IDE: variants seen among roughly 807,000 people sequenced by gnomAD.
The protein encoded by IDE is insulin degrading enzyme, also known as insulin-degrading enzyme.
IDE carries 58 observed loss-of-function variants against 133.2 expected under a neutral mutation model. That is an observed-to-expected ratio of 0.44 (90% CI 0.35 to 0.54). The LOEUF is 0.54. Among genes scored for constraint, IDE ranks in the 20% least tolerant of loss-of-function variants. The pLI is 0.00. For missense variants in IDE, 981 were observed against 1,234.0 expected (o/e 0.79, Z 3.07); for synonymous variants, 396 against 421.3 (o/e 0.94, Z 0.73).
chr10:92,545,712 A>T lies in IDE; in HGVS notation c.99-8162T>A, dbSNP rs575600168. Among the ~76,000 whole-genome samples, 3 of 152,340 alleles carry T rather than the reference A, an allele frequency of 2.0e-5. No individual in the cohort carries two copies. In the South Asian group the frequency reaches 6.2e-4, roughly 32 times the overall value. On this transcript the variant is annotated intron_variant, in intron 1 of 24. Coordinates refer to ENST00000265986, the MANE Select transcript of IDE (RefSeq NM_004969.4). ...ACAGATTAAAGTCCCAGGAGGTCCCAAATTTGCAACTAACTTTCCCAACAG... is the reference window on the plus strand; with the variant it reads ...ACAGATTAAAGTCCCAGGAGGTCCCTAATTTGCAACTAACTTTCCCAACAG...
intron 1 of IDE, among the ~76,000 whole-genome samples, chr10:92,571,766 A>G (rs552808793): frequency 4.6e-5 from 7 of 152,270 alleles, no homozygotes; most frequent in Admixed American, 6.5e-5. Context: ...TTGCAAATAC[A>G]TAACAGTTAA....
In IDE at chr10:92,466,230, CAA is replaced by C. The variant is rs59698259; in HGVS notation, c.2321-389_2321-388del. ...CAAGACACAGAGTGAGACCCTGTCT[CAA>C]AAAAAAAAAAAAAAAAAAAAGCAGA... On this transcript the variant is annotated intron_variant, in intron 19 of 24. Coordinates refer to ENST00000265986, the MANE Select transcript of IDE (RefSeq NM_004969.4). Among the ~76,000 whole-genome samples, 246 of 69,990 alleles carry C rather than the reference CAA, an allele frequency of 3.5e-3. 1 individual carries two copies. The highest frequency in any genetic ancestry group is 0.013 in the Middle Eastern group (2 of 150). The allele number at this position is 69,990 out of a possible 152,430, so 45.9% of individuals were successfully genotyped here. A position where few individuals can be genotyped will look rare whatever the true frequency, so the allele number is the denominator to read the frequency against.
At chr10:92,533,750 G>A (rs538581041) in intron 3 of IDE, among the ~76,000 whole-genome samples, 5 of 149,802 alleles carry the variant, frequency 3.3e-5, no homozygotes, top group Admixed American at 2.7e-4. Context: ...AAGGCTGGGC[G>A]CAGTGGCTCA....
intron 4 of IDE, among the ~76,000 whole-genome samples, chr10:92,519,873 G>A (rs1487356340): frequency 2.0e-5 from 3 of 152,198 alleles, no homozygotes; most frequent in Non-Finnish European, 4.4e-5. Context: ...AGGAGGCTGA[G>A]GCAGGCGGAT....
intron 7 of IDE, 90 bp from the exon 8 acceptor site, chr10:92,508,295 C>G (rs1373937266): frequency 1.1e-6 from 1 of 948,748 alleles, no homozygotes; most frequent in East Asian, 2.4e-5. Context: ...ACTGTATGTT[C>G]CTAAGATATC....
At chr10:92,514,536 G>A (rs952909357) in intron 5 of IDE, among the ~76,000 whole-genome samples, 2 of 151,692 alleles carry the variant, frequency 1.3e-5, no homozygotes, top group African/African-American at 4.8e-5. Context: ...TTAACTCCTG[G>A]GCTCAAGCGA....
chr10:92,561,037 G>A (rs138927006), intron 1 of IDE, among the ~76,000 whole-genome samples: 182 of 152,254 alleles, frequency 1.2e-3, no homozygotes, highest in African/African-American at 4.2e-3. Context: ...TGGATCACCT[G>A]AGGTCAGGAG....
intron 1 of IDE, among the ~76,000 whole-genome samples, chr10:92,566,051 C>G (rs1484679917): frequency 6.6e-6 from 1 of 151,828 alleles, no homozygotes; most frequent in Non-Finnish European, 1.5e-5. Context: ...ATTACCGTGG[C>G]CATTAAACAA....
chr10:92,459,618 T>C (rs943541630), intron 22 of IDE, among the ~76,000 whole-genome samples: 2 of 152,072 alleles, frequency 1.3e-5, no homozygotes, highest in East Asian at 1.9e-4. Flanking sequence ...TTTTGAAAAA[T>C]AGGCATATGA....
chr10:92,465,840 C>T lies in IDE; in HGVS notation c.2324G>A (p.Gly775Glu), dbSNP rs760116716. The T allele has an allele frequency of 1.2e-5, 19 of 1,613,750 alleles. No individual in the cohort carries two copies. Among genetic ancestry groups the T allele is most frequent in the South Asian group, 4.4e-5 (4 of 91,056 alleles). Residue 775 changes from glycine (G) to glutamate (E), a missense_variant, in exon 20 of 25, where the codon GGA becomes GAA. Transcript: ENST00000265986. The part of the protein sequence containing the change: ...RYREVQLPDR[G>E]WFVYQQRNEV... The stretch of plus-strand genomic sequence containing the variant: ...ATTTCTCTGCTGATAAACAAACCAT[C>T]CTCCTAGGAAGTTTCAAAAAGACAG...
At chr10:92,486,143 G>A (rs888388674) in intron 13 of IDE, among the ~76,000 whole-genome samples, 1 of 152,120 alleles carries the variant, frequency 6.6e-6, no homozygotes, top group African/African-American at 2.4e-5. Flanking sequence ...GAGGTCAAGA[G>A]TTCGAGGCCA....
intron 24 of IDE, among the ~76,000 whole-genome samples, chr10:92,455,283 C>T (rs1300435347): frequency 6.6e-6 from 1 of 152,094 alleles, no homozygotes; most frequent in East Asian, 1.9e-4. Flanking sequence ...TGAGACCAGC[C>T]TGGCCAACAT....
rs567042424 is a variant in IDE at position 92,536,647 on chromosome 10, G to A, written c.283+719C>T. On this transcript the variant is annotated intron_variant, in intron 2 of 24. Coordinates refer to ENST00000265986, the MANE Select transcript of IDE (RefSeq NM_004969.4). ...CGGGAGGTGGAGGTTGCAGTGAGCC[G>A]AGATCACACCATTGCACTCCAGCCT... Among the ~76,000 whole-genome samples the A allele has an allele frequency of 6.4e-3, 956 of 149,668 alleles. 3 individuals carry two copies. Among genetic ancestry groups the A allele is most frequent in the Middle Eastern group, 0.021 (6 of 284 alleles).
At chr10:92,510,786 C>CACAT (rs1554841890) in intron 5 of IDE, among the ~76,000 whole-genome samples, 4 of 38,394 alleles carry the variant, frequency 1.0e-4, no homozygotes, top group Admixed American at 4.6e-4. Context: ...ACATACATCT[C>CACAT]ACATGATATA....
At chr10:92,564,538 G>A (rs1843428372) in intron 1 of IDE, among the ~76,000 whole-genome samples, 1 of 151,624 alleles carries the variant, frequency 6.6e-6, no homozygotes, top group African/African-American at 2.4e-5. Context: ...TAGTGGGCAT[G>A]GTGGCACACG....
chr10:92,508,052 T>C, intron 8 of IDE, 61 bp downstream of exon 8: 1 of 1,209,922 alleles, frequency 8.3e-7, no homozygotes, highest in Non-Finnish European at 1.2e-6. Context: ...CATGAAGAAG[T>C]TAAAAAACAT....
At chr10:92,503,741 G>A (rs1274345016) in intron 11 of IDE, among the ~76,000 whole-genome samples, 4 of 148,584 alleles carry the variant, frequency 2.7e-5, no homozygotes, top group South Asian at 2.1e-4. Flanking sequence ...TTTTTGAGAC[G>A]GAGTTTCACT....
At position 92,508,590 on chromosome 10, in the gene IDE, AACAACC is replaced by A. The variant is rs147883643; in HGVS notation, c.1060+132_1060+137del. 9.8e-3 allele frequency: 6,486 copies of A among 663,872 alleles called. 54 individuals are homozygous for A. The highest frequency in any genetic ancestry group is 0.041 in the Middle Eastern group (147 of 3,556). The allele number at this position is 663,872 out of a possible 1,614,324, so 41.1% of individuals were successfully genotyped here. ...AAAAAAAAAAAGGCAACAGCGTGCC[AACAACC>A]ACCATCTCACTCACTAACCCAAAAT... is the stretch of plus-strand genomic sequence containing the variant. On this transcript the variant is annotated intron_variant, in intron 7 of 24. Transcript: ENST00000265986.
chr10:92,461,030 G>A (rs1322711922), intron 22 of IDE, among the ~76,000 whole-genome samples, 161 bp downstream of exon 22: 1 of 152,080 alleles, frequency 6.6e-6, no homozygotes, highest in African/African-American at 2.4e-5. Flanking sequence ...TAGTATAAAT[G>A]GGGTTTCACC....
Sources: allele counts gnomAD v4.1 joint callset (sites outside exome capture counted in the v4.1 genomes callset), GRCh38; gene constraint gnomAD v4.1.1; transcripts MANE v1.5; gene names NCBI Gene and HGNC (gene_info 2026-07-23, HGNC 2026-07-21).